STRAP: variants seen among roughly 807,000 people sequenced by gnomAD.
STRAP encodes serine-threonine kinase receptor-associated protein.
A neutral mutation model predicts 47.0 loss-of-function variants in STRAP; 16 were observed. That is an observed-to-expected ratio of 0.34 (90% CI 0.23 to 0.52). STRAP has a LOEUF of 0.52. Ranked by LOEUF, STRAP falls within the 20% of genes least tolerant of loss-of-function variation. The probability of loss-of-function intolerance (pLI) is 0.96; values close to 1 mark genes in which losing one functional copy is unlikely to be tolerated. For synonymous variants in STRAP, 130 were observed against 142.7 expected, an observed-to-expected ratio of 0.91 and a Z score of 0.63; for missense variants, 293 against 420.0, an observed-to-expected ratio of 0.70 and a Z score of 2.64.
At chr12:15,893,439 TTTTA>T (rs964644236) in intron 4 of STRAP, among the ~76,000 whole-genome samples, 51 of 147,202 alleles carry the variant, frequency 3.5e-4, no homozygotes, top group South Asian at 1.5e-3. Context: ...ATAAAATACT[TTTTA>T]TTTATTATAC....
chr12:15,897,092 A>G (rs1460242276), intron 6 of STRAP, among the ~76,000 whole-genome samples: 6 of 152,232 alleles, frequency 3.9e-5, no homozygotes, highest in Non-Finnish European at 7.3e-5. Context: ...GGACCATTGA[A>G]TATTCTAGCA....
rs139604044 is a variant in STRAP at position 15,887,469 on chromosome 12, C to G, written c.249-2459C>G. ...CCAACTAATATATGTCAATTTCTTGCCTGGAGATTGAATAATACATTAGGA... is the reference window on the plus strand; with the variant it reads ...CCAACTAATATATGTCAATTTCTTGGCTGGAGATTGAATAATACATTAGGA... On this transcript the variant is annotated intron_variant, in intron 2 of 9. Coordinates refer to ENST00000419869, the MANE Select transcript of STRAP (RefSeq NM_007178.4). This position sits in a 1 kb window ranked among gnomAD's most constrained non-coding sequence, Gnocchi z 5.5. 2.5e-3 allele frequency among the ~76,000 whole-genome samples: 388 copies of G among 152,186 alleles called. 2 individuals are homozygous for G. The highest frequency in any genetic ancestry group is 9.0e-3 in the African/African-American group (373 of 41,512).
At chr12:15,902,504 CCTT>C (rs1489826547) in intron 9 of STRAP, among the ~76,000 whole-genome samples, 3 of 152,160 alleles carry the variant, frequency 2.0e-5, no homozygotes, top group African/African-American at 7.2e-5. Context: ...TTGTTAAGCA[CCTT>C]CTTGCTAAAA....
At position 15,901,024 on chromosome 12, in the gene STRAP, G is replaced by A; in HGVS notation, c.991+12G>A. The A allele has an allele frequency of 6.4e-7, 1 of 1,571,796 alleles. No homozygotes were observed. Among genetic ancestry groups the A allele is most frequent in the Non-Finnish European group, 8.6e-7 (1 of 1,159,970 alleles). On this transcript the variant is annotated intron_variant, in intron 9 of 9. Coordinates refer to ENST00000419869, the MANE Select transcript of STRAP (RefSeq NM_007178.4). Reference sequence around the variant, plus strand: ...AGAAGAGGAGCTAGGTAAATGCTATGGAATTGACTTTTGTAAGAGTCTTGG... The same window carrying A: ...AGAAGAGGAGCTAGGTAAATGCTATAGAATTGACTTTTGTAAGAGTCTTGG...
intron 7 of STRAP, among the ~76,000 whole-genome samples, chr12:15,899,290 A>G (rs1269035458): frequency 6.6e-6 from 1 of 152,254 alleles, no homozygotes; most frequent in Non-Finnish European, 1.5e-5. Flanking sequence ...ATGAGGCATT[A>G]GAAAGTAAAT....
Position 15,894,106 on chromosome 12 carries a change from G to C in STRAP, c.463G>C (p.Asp155His). Residue 155 changes from aspartate (D) to histidine (H), a missense_variant, in exon 5 of 10, where the codon GAT becomes CAT. By Grantham distance (81) the Asp-to-His change is moderately conservative. Transcript: ENST00000419869. This position sits in a 1 kb window ranked among gnomAD's most constrained non-coding sequence, Gnocchi z 4.9. ...GIKKALWCSEDKQILSADDKT... is the reference protein window; with the variant it reads ...GIKKALWCSEHKQILSADDKT... ...AAAAAAAGCTCTGTGGTGCAGTGAGGATAAACAGATTCTTTCTGCTGATGA... is the reference window on the plus strand; with the variant it reads ...AAAAAAAGCTCTGTGGTGCAGTGAGCATAAACAGATTCTTTCTGCTGATGA... The C allele has an allele frequency of 2.5e-6, 4 of 1,613,596 alleles. No individual in the cohort carries two copies. The highest frequency in any genetic ancestry group is 2.5e-6 in the Non-Finnish European group (3 of 1,179,842).
At chr12:15,882,886 G>A (rs559394978) in intron 1 of STRAP, 67 bp downstream of exon 1, 4 of 1,506,394 alleles carry the variant, frequency 2.7e-6, no homozygotes, top group East Asian at 2.3e-5. Flanking sequence ...GGACCCGCAC[G>A]CTCCAGTGCC....
rs1456090289 is a variant in STRAP, at chr12:15,896,659, A to G, written c.638+1163A>G. Among the ~76,000 whole-genome samples, 1 of 152,162 alleles carries G rather than the reference A, an allele frequency of 6.6e-6. No homozygotes were observed. Among genetic ancestry groups the G allele is most frequent in the Non-Finnish European group, 1.5e-5 (1 of 68,038 alleles). On this transcript the variant is annotated intron_variant, in intron 6 of 9. Transcript: ENST00000419869. The surrounding 1 kb of genome is among the most constrained non-coding windows in gnomAD (Gnocchi z 4.1). Reference sequence around the variant, plus strand: ...TTACTTGATACACTGTATTTGCATCATAGGTTGTACTAAATTATGGGTTAG... The same window carrying G: ...TTACTTGATACACTGTATTTGCATCGTAGGTTGTACTAAATTATGGGTTAG...
chr12:15,897,813 C>T, intron 6 of STRAP, 69 bp from the exon 7 acceptor site: 1 of 1,020,596 alleles, frequency 9.8e-7, no homozygotes, highest in Middle Eastern at 4.1e-4. Context: ...AATTTAAGAA[C>T]AGTTCAAATG....
chr12:15,892,476 T>C (rs903912088), intron 4 of STRAP, among the ~76,000 whole-genome samples: 6 of 152,174 alleles, frequency 3.9e-5, no homozygotes, highest in African/African-American at 1.4e-4. Flanking sequence ...TTTTATTATA[T>C]ATTTGGTATC....
At chr12:15,901,804 C>T (rs1220274654) in intron 9 of STRAP, among the ~76,000 whole-genome samples, 3 of 143,192 alleles carry the variant, frequency 2.1e-5, no homozygotes, top group South Asian at 2.2e-4. Context: ...GAGGTTGCAG[C>T]GAGCCGAGAT....
In STRAP at chr12:15,899,796, C is replaced by G. The variant is rs958377144; in HGVS notation, c.776-108C>G. Reference sequence around the variant, plus strand: ...ATTAAGTACAGGTTTTAATGTTTGCCTTAAGAATTTTCCATCTCCCCAGTA... The same window carrying G: ...ATTAAGTACAGGTTTTAATGTTTGCGTTAAGAATTTTCCATCTCCCCAGTA... On this transcript the variant is annotated intron_variant, in intron 7 of 9. Transcript: ENST00000419869. 1.4e-5 allele frequency: 15 copies of G among 1,076,940 alleles called. 1 individual carries two copies. Among genetic ancestry groups the G allele is most frequent in the Middle Eastern group, 3.0e-4 (1 of 3,318 alleles). 66.7% of individuals were successfully genotyped at this position (1,076,940 alleles called of 1,614,324 possible).
chr12:15,892,641 G>A (rs1948026317), intron 4 of STRAP, among the ~76,000 whole-genome samples: 1 of 152,158 alleles, frequency 6.6e-6, no homozygotes, highest in African/African-American at 2.4e-5. Flanking sequence ...ACATTTTAAT[G>A]TTACAGTAAT....
At position 15,890,005 on chromosome 12, in the gene STRAP, C is replaced by T. The variant is rs547715659; in HGVS notation, c.326C>T (p.Thr109Met). The T allele has an allele frequency of 1.1e-5, 17 of 1,613,150 alleles. No individual in the cohort carries two copies. The highest frequency in any genetic ancestry group is 1.7e-4 in the Middle Eastern group (1 of 6,054). ...HKHIVKTVDF[T>M]QDSNYLLTGG... ...CACATTGTCAAGACTGTGGATTTCA[C>T]GCAGGTATCAGAAAATGGAATTTAT... The change falls in exon 3 of 10, where the codon ACG becomes ATG. Residue 109 changes from threonine (T) to methionine (M), a missense_variant. Coordinates refer to ENST00000419869, the MANE Select transcript of STRAP (RefSeq NM_007178.4). This position sits in a 1 kb window ranked among gnomAD's most constrained non-coding sequence, Gnocchi z 4.5.
chr12:15,885,951 G>T (rs1165507138), intron 2 of STRAP, among the ~76,000 whole-genome samples: 1 of 152,164 alleles, frequency 6.6e-6, no homozygotes, highest in Non-Finnish European at 1.5e-5. Context: ...ACCCGCACTT[G>T]ATCAAAATCA....
At chr12:15,883,123 T>A (rs1947938226) in intron 1 of STRAP, 1 of 1,535,510 alleles carries the variant, frequency 6.5e-7, no homozygotes, top group African/African-American at 1.4e-5. Context: ...GACAACACGG[T>A]AAATAGCTTT....
intron 2 of STRAP, among the ~76,000 whole-genome samples, chr12:15,885,488 C>CTTTTTT (rs5796649): frequency 0.013 from 1,773 of 132,322 alleles, 71 homozygotes; most frequent in African/African-American, 0.049. Flanking sequence ...CGTGCCTGGC[C>CTTTTTT]TTTTTTTTTT....
chr12:15,885,944 C>A (rs376198667), intron 2 of STRAP, among the ~76,000 whole-genome samples: 1 of 152,178 alleles, frequency 6.6e-6, no homozygotes, highest in Non-Finnish European at 1.5e-5. Context: ...TATCACCACC[C>A]GCACTTGATC....
intron 2 of STRAP, among the ~76,000 whole-genome samples, chr12:15,889,056 C>T (rs1947994241): frequency 6.6e-6 from 1 of 152,084 alleles, no homozygotes; most frequent in African/African-American, 2.4e-5. Flanking sequence ...CAATTCTTTT[C>T]CCTGTCTGCA....
Sources: gnomAD v4.1 joint callset for allele counts (sites outside exome capture counted in the v4.1 genomes callset) on GRCh38, gnomAD v4.1.1 for gene constraint, Gnocchi (gnomAD v3.1) non-coding constraint, MANE v1.5 for transcripts, NCBI Gene and HGNC (gene_info 2026-07-23, HGNC 2026-07-21) for gene names.